Variants in ELAVL2 observed in about 807,000 individuals in gnomAD.
ELAVL2 encodes the protein ELAV like RNA binding protein 2.
Under a neutral mutation model 34.6 loss-of-function variants are expected in ELAVL2, and 4 were observed. The ratio of observed to expected loss-of-function variants is 0.12; its 90% CI spans 0.06 to 0.26. The LOEUF is 0.26. Ranked by LOEUF, ELAVL2 falls within the 10% of genes least tolerant of loss-of-function variation. The pLI, the probability that ELAVL2 is intolerant of heterozygous loss-of-function variation, is 1.00. For synonymous variants in ELAVL2, 193 were observed against 154.8 expected (o/e 1.25, Z -1.83); for missense variants, 432 against 442.8 (o/e 0.98, Z 0.22).
At chr9:23,783,846 GTTGTCATAGGT>G (rs1352351553) in intron 1 of ELAVL2, among the ~76,000 whole-genome samples, 2 of 152,180 alleles carry the variant, frequency 1.3e-5, no homozygotes, top group African/African-American at 4.8e-5. Context: ...TAGGCTCTCT[GTTGTCATAGGT>G]TCAAATAAAG....
intron 3 of ELAVL2, among the ~76,000 whole-genome samples, chr9:23,707,016 A>C (rs2039538520): frequency 6.6e-6 from 1 of 152,222 alleles, no homozygotes; most frequent in Non-Finnish European, 1.5e-5. Flanking sequence ...CTATGTTTGG[A>C]AGTTATATTA....
chr9:23,763,764 T>C (rs2055596527), intron 1 of ELAVL2, among the ~76,000 whole-genome samples: 1 of 152,096 alleles, frequency 6.6e-6, no homozygotes, highest in Non-Finnish European at 1.5e-5. Context: ...ATCAGTGCTG[T>C]CATGATAAAA....
At chr9:23,822,376 T>C (rs1431018437) in intron 1 of ELAVL2, among the ~76,000 whole-genome samples, 1 of 152,062 alleles carries the variant, frequency 6.6e-6, no homozygotes, top group Admixed American at 6.6e-5. Flanking sequence ...TGCGGGGTGC[T>C]GTACTCTGCT....
At chr9:23,772,285 T>G (rs1329286779) in intron 1 of ELAVL2, among the ~76,000 whole-genome samples, 1 of 152,088 alleles carries the variant, frequency 6.6e-6, no homozygotes, top group African/African-American at 2.4e-5. Flanking sequence ...GCTCCTCTGT[T>G]GGATACAGAC....
At chr9:23,772,929 G>A (rs2057557391) in intron 1 of ELAVL2, among the ~76,000 whole-genome samples, 2 of 151,954 alleles carry the variant, frequency 1.3e-5, no homozygotes, top group Non-Finnish European at 2.9e-5. Flanking sequence ...ATTTCCTTTG[G>A]TCCACCTCTG....
At chr9:23,703,882 A>G (rs144128109) in intron 4 of ELAVL2, among the ~76,000 whole-genome samples, 1 of 152,178 alleles carries the variant, frequency 6.6e-6, no homozygotes, top group East Asian at 1.9e-4. Context: ...ATGTTTCTCT[A>G]TTTTTTAACT....
At chr9:23,693,043 T>C (rs2033744931) in intron 6 of ELAVL2, among the ~76,000 whole-genome samples, 159 bp from the exon 7 acceptor site, 1 of 152,236 alleles carries the variant, frequency 6.6e-6, no homozygotes, top group Non-Finnish European at 1.5e-5. Context: ...AAGGTCTGTG[T>C]GTGGCTTTGC....
At position 23,717,033 on chromosome 9, in the gene ELAVL2, C is replaced by T. The variant is rs531363388; in HGVS notation, c.334-11962G>A. On this transcript the variant is annotated intron_variant, in intron 3 of 6. Transcript: ENST00000397312. ...TGGAAGGAGAATACAGAGACAGTTT[C>T]CCATCATAACGCAGGTGAGGAGAAC... Among the ~76,000 whole-genome samples, 7 of 152,272 alleles carry T rather than the reference C, an allele frequency of 4.6e-5. No individual in the cohort carries two copies. In the South Asian group the frequency reaches 1.5e-3, roughly 32 times the overall value.
At chr9:23,717,331 G>A (rs371407436) in intron 3 of ELAVL2, among the ~76,000 whole-genome samples, 5 of 152,224 alleles carry the variant, frequency 3.3e-5, no homozygotes, top group Admixed American at 6.5e-5. Flanking sequence ...AGGCAAATAT[G>A]TTTCTACGAG....
intron 1 of ELAVL2, among the ~76,000 whole-genome samples, chr9:23,767,741 C>G (rs2056577770): frequency 6.6e-6 from 1 of 152,162 alleles, no homozygotes; most frequent in Non-Finnish European, 1.5e-5. Flanking sequence ...CCACTTCACT[C>G]CATCCTGGGT....
intron 1 of ELAVL2, among the ~76,000 whole-genome samples, chr9:23,765,304 T>C (rs530517284): frequency 6.6e-6 from 1 of 152,328 alleles, no homozygotes; most frequent in East Asian, 1.9e-4. Flanking sequence ...GCATTTTTAA[T>C]TAAGAGCCTG....
intron 1 of ELAVL2, among the ~76,000 whole-genome samples, chr9:23,774,229 A>G (rs1026502961): frequency 8.8e-5 from 13 of 147,736 alleles, no homozygotes; most frequent in Non-Finnish European, 1.8e-4. Context: ...AAAAAAAAAA[A>G]AAAAAAAAAG....
intron 2 of ELAVL2, among the ~76,000 whole-genome samples, chr9:23,755,503 T>C (rs2053330422): frequency 6.6e-6 from 1 of 151,962 alleles, no homozygotes; most frequent in Non-Finnish European, 1.5e-5. Flanking sequence ...AATGAAAAAA[T>C]AATTAAGTTT....
At chr9:23,809,301 A>C (rs2062661133) in intron 1 of ELAVL2, among the ~76,000 whole-genome samples, 1 of 152,114 alleles carries the variant, frequency 6.6e-6, no homozygotes, top group Non-Finnish European at 1.5e-5. Context: ...GGAAGAGTAA[A>C]ATATTTGCAG....
intron 5 of ELAVL2, among the ~76,000 whole-genome samples, chr9:23,698,434 T>G (rs2036017439): frequency 6.6e-6 from 1 of 152,226 alleles, no homozygotes; most frequent in Non-Finnish European, 1.5e-5. Flanking sequence ...TTACATGGAT[T>G]TTTAAGCTTT....
At chr9:23,820,739 T>G (rs2138533551) in intron 1 of ELAVL2, among the ~76,000 whole-genome samples, 1 of 152,266 alleles carries the variant, frequency 6.6e-6, no homozygotes, top group Non-Finnish European at 1.5e-5. Flanking sequence ...CACTAGTCCG[T>G]GCACCCCGGC....
intron 1 of ELAVL2, among the ~76,000 whole-genome samples, chr9:23,788,038 G>C (rs956221752): frequency 3.3e-5 from 5 of 152,196 alleles, no homozygotes; most frequent in Non-Finnish European, 7.3e-5. Flanking sequence ...TCATTTTGCT[G>C]AGAGAATGAA....
At chr9:23,775,998 G>A (rs13284131) in intron 1 of ELAVL2, among the ~76,000 whole-genome samples, 4,622 of 152,246 alleles carry the variant, frequency 0.03, 90 homozygotes, top group East Asian at 0.076. Flanking sequence ...TCCATAAAGA[G>A]AATGAATGCC....
chr9:23,735,092 AGCT>A (rs2047494810), intron 2 of ELAVL2: 1 of 134,952 alleles, frequency 7.4e-6, no homozygotes, highest in Non-Finnish European at 1.6e-5. Flanking sequence ...AAAATGACAA[AGCT>A]AAGGCTCTTC....
Sources: gnomAD v4.1 joint callset for allele counts (sites outside exome capture counted in the v4.1 genomes callset) on GRCh38, gnomAD v4.1.1 for gene constraint, MANE v1.5 for transcripts, NCBI Gene and HGNC (gene_info 2026-07-23, HGNC 2026-07-21) for gene names.